Variants in CSMD1 observed in about 807,000 individuals in gnomAD.
CSMD1 encodes CUB and Sushi multiple domains 1.
A neutral mutation model predicts 417.5 loss-of-function variants in CSMD1; 213 were observed. That is an observed-to-expected ratio of 0.51 (90% CI 0.46 to 0.57). The LOEUF (loss-of-function observed/expected upper bound fraction) is 0.57. Ranked by LOEUF, CSMD1 falls within the 20% of genes least tolerant of loss-of-function variation. The pLI, the probability that CSMD1 is intolerant of heterozygous loss-of-function variation, is 0.00. For synonymous variants in CSMD1, 2,862 were observed against 1,736.8 expected (o/e 1.65, Z -16.11); for missense variants, 6,923 against 4,529.7 (o/e 1.53, Z -15.17).
intron 12 of CSMD1, among the ~76,000 whole-genome samples, chr8:3,434,857 G>A (rs1473719011): frequency 2.0e-5 from 3 of 152,046 alleles, no homozygotes; most frequent in East Asian, 1.9e-4. Context: ...CACTCAAATC[G>A]GAAAATTAAA....
intron 20 of CSMD1, among the ~76,000 whole-genome samples, chr8:3,364,559 T>C (rs994883488): frequency 6.6e-6 from 1 of 152,234 alleles, no homozygotes; most frequent in Non-Finnish European, 1.5e-5. Context: ...CTGAGTGTGT[T>C]ACCCAAAATC....
At chr8:3,622,103 G>A (rs1244774143) in intron 7 of CSMD1, among the ~76,000 whole-genome samples, 1 of 151,994 alleles carries the variant, frequency 6.6e-6, no homozygotes, top group East Asian at 1.9e-4. Context: ...ACTATGTGCT[G>A]GGGTACAGTT....
At position 3,754,053 on chromosome 8, in the gene CSMD1, G is replaced by T. The variant is rs752214319; in HGVS notation, c.819-11C>A. Reference sequence around the variant, plus strand: ...TTCATGCCAGTTAGCCTAGAGAAGAGAAAGAGGAAAAAAATCTCCCTTGTA... The same window carrying T: ...TTCATGCCAGTTAGCCTAGAGAAGATAAAGAGGAAAAAAATCTCCCTTGTA... On this transcript the variant is annotated splice_polypyrimidine_tract_variant and intron_variant, in intron 5 of 69. Transcript: ENST00000635120. The T allele has an allele frequency of 1.9e-5, 30 of 1,586,198 alleles. No individual in the cohort carries two copies. The highest frequency in any genetic ancestry group is 2.4e-5 in the Non-Finnish European group (28 of 1,159,386).
intron 1 of CSMD1, among the ~76,000 whole-genome samples, chr8:4,741,972 T>C (rs1277871281): frequency 7.2e-6 from 1 of 138,830 alleles, no homozygotes; most frequent in Non-Finnish European, 1.5e-5. Flanking sequence ...AAGCTGGGAC[T>C]ATAGGTCCGC....
At chr8:3,897,197 G>C (rs970963625) in intron 5 of CSMD1, among the ~76,000 whole-genome samples, 4 of 152,166 alleles carry the variant, frequency 2.6e-5, no homozygotes, top group African/African-American at 9.7e-5. Context: ...ATGGTGTCAA[G>C]AAGTTATCAA....
At chr8:3,482,506 G>C (rs1439948466) in intron 11 of CSMD1, among the ~76,000 whole-genome samples, 1 of 152,142 alleles carries the variant, frequency 6.6e-6, no homozygotes, top group African/African-American at 2.4e-5. Flanking sequence ...AAATATCAGA[G>C]CTTCACGACA....
At position 4,288,129 on chromosome 8, in the gene CSMD1, C is replaced by G. The variant is rs73500668; in HGVS notation, c.415+131824G>C. Among the ~76,000 whole-genome samples the G allele has an allele frequency of 1.2e-3, 189 of 152,250 alleles. 1 individual carries two copies. The highest frequency in any genetic ancestry group is 4.4e-3 in the African/African-American group (181 of 41,540). ...TTGCTAGCCATGCTTTCTGTTCCTG[C>G]AGCATTAAAGTTTGACTGAGAAAAG... On this transcript the variant is annotated intron_variant, in intron 3 of 69. Transcript: ENST00000635120.
chr8:3,402,753 A>C (rs1393690931), intron 15 of CSMD1, among the ~76,000 whole-genome samples: 1 of 152,074 alleles, frequency 6.6e-6, no homozygotes, highest in Non-Finnish European at 1.5e-5. Context: ...TGTCTATTTT[A>C]TTGATATTAA....
chr8:3,727,384 G>A (rs564210034), intron 6 of CSMD1, among the ~76,000 whole-genome samples: 8 of 152,192 alleles, frequency 5.3e-5, no homozygotes, highest in East Asian at 3.9e-4. Flanking sequence ...TGGCAGCCCC[G>A]CCCAGGTACC....
chr8:3,121,392 C>T (rs1341915431), intron 41 of CSMD1, among the ~76,000 whole-genome samples: 1 of 152,150 alleles, frequency 6.6e-6, no homozygotes, highest in African/African-American at 2.4e-5. Flanking sequence ...AAATCGAGAT[C>T]AGAGGACACA....
At chr8:4,166,614 G>A (rs1361989363) in intron 3 of CSMD1, among the ~76,000 whole-genome samples, 1 of 152,158 alleles carries the variant, frequency 6.6e-6, no homozygotes, top group African/African-American at 2.4e-5. Flanking sequence ...GTGAACTGTA[G>A]GATGGGAGCA....
chr8:2,976,751 C>T (rs1182813100), intron 55 of CSMD1, among the ~76,000 whole-genome samples: 1 of 152,170 alleles, frequency 6.6e-6, no homozygotes, highest in Non-Finnish European at 1.5e-5. Context: ...AAGAGAGTAA[C>T]ACCTTTTCCT....
chr8:3,388,758 T>G (rs897457360), intron 17 of CSMD1, among the ~76,000 whole-genome samples: 6 of 152,208 alleles, frequency 3.9e-5, no homozygotes, highest in Non-Finnish European at 5.9e-5. Flanking sequence ...TGCTGCGCAG[T>G]ATGGCAGGAA....
intron 2 of CSMD1, among the ~76,000 whole-genome samples, chr8:4,601,736 C>G (rs1322351505): frequency 6.6e-6 from 1 of 152,164 alleles, no homozygotes; most frequent in Admixed American, 6.5e-5. Flanking sequence ...CAGTGCTTCC[C>G]TGTAGCTGGA....
chr8:4,182,599 G>A (rs982591684), intron 3 of CSMD1, among the ~76,000 whole-genome samples: 1 of 152,058 alleles, frequency 6.6e-6, no homozygotes. Flanking sequence ...TCTACTCTGA[G>A]GGAATTTTAT....
chr8:4,487,143 A>C (rs1801454599), intron 2 of CSMD1, among the ~76,000 whole-genome samples: 1 of 152,200 alleles, frequency 6.6e-6, no homozygotes, highest in Non-Finnish European at 1.5e-5. Context: ...ATTTCAAGCA[A>C]TGTGTAATAA....
At chr8:4,636,769 C>A (rs956422488) in intron 2 of CSMD1, among the ~76,000 whole-genome samples, 2 of 152,174 alleles carry the variant, frequency 1.3e-5, no homozygotes, top group Non-Finnish European at 2.9e-5. Context: ...TTCAAGTTTT[C>A]TGTATAGTAA....
intron 6 of CSMD1, among the ~76,000 whole-genome samples, chr8:3,733,181 AC>A (rs1796352406): frequency 6.9e-6 from 1 of 144,580 alleles, no homozygotes; most frequent in Non-Finnish European, 1.5e-5. Context: ...ACACACACAC[AC>A]ACACACACAC....
intron 17 of CSMD1, among the ~76,000 whole-genome samples, chr8:3,389,035 C>G (rs149291995): frequency 4.3e-4 from 65 of 152,272 alleles, no homozygotes; most frequent in African/African-American, 1.4e-3. Flanking sequence ...GTACCCAATG[C>G]TGGGTGAATG....
Sources: gnomAD v4.1 joint callset for allele counts (sites outside exome capture counted in the v4.1 genomes callset) on GRCh38, gnomAD v4.1.1 for gene constraint, MANE v1.5 for transcripts, NCBI Gene and HGNC (gene_info 2026-07-23, HGNC 2026-07-21) for gene names.